CLVS1: variants seen among roughly 807,000 people sequenced by gnomAD.
CLVS1 encodes the protein clavesin-1.
A neutral mutation model predicts 33.1 loss-of-function variants in CLVS1; 10 were observed. The observed-to-expected ratio is 0.30, with a 90% CI of 0.19 to 0.51. The LOEUF (loss-of-function observed/expected upper bound fraction) is 0.51. Ranked by LOEUF, CLVS1 falls within the 20% of genes least tolerant of loss-of-function variation. The pLI is 0.97. For missense variants in CLVS1, 343 were observed against 433.4 expected (o/e 0.79, Z 1.85); for synonymous variants, 163 against 166.1 (o/e 0.98, Z 0.14).
chr8:61,347,841 G>T (rs1812284156), intron 2 of CLVS1, among the ~76,000 whole-genome samples: 1 of 150,802 alleles, frequency 6.6e-6, no homozygotes, highest in Non-Finnish European at 1.5e-5. Flanking sequence ...ATTTTTTAAG[G>T]ACCCTACCTA....
At chr8:61,050,718 A>G in the CLVS1 span, among the ~76,000 whole-genome samples, 1 of 152,232 alleles carries the variant, frequency 6.6e-6, no homozygotes, top group Admixed American at 6.5e-5. Context: ...GGGAGAGGGC[A>G]GCAGCCACTC....
At chr8:61,174,034 C>T (rs1413650742) in intron 2 of CLVS1, among the ~76,000 whole-genome samples, 2 of 152,172 alleles carry the variant, frequency 1.3e-5, no homozygotes, top group African/African-American at 4.8e-5. Flanking sequence ...ATGAATACTG[C>T]TCTAGTCCTG....
At chr8:61,223,000 AC>A (rs1037807989) in intron 2 of CLVS1, among the ~76,000 whole-genome samples, 6 of 140,982 alleles carry the variant, frequency 4.3e-5, no homozygotes, top group African/African-American at 1.6e-4. Flanking sequence ...AAAAAAAAAG[AC>A]CTGCTTTTTT....
intron 2 of CLVS1, among the ~76,000 whole-genome samples, chr8:61,206,729 C>T (rs1386653681): frequency 2.0e-5 from 3 of 151,912 alleles, no homozygotes; most frequent in African/African-American, 7.3e-5. Context: ...GCTGGGACTA[C>T]AGGCGCCTGC....
At position 61,298,026 on chromosome 8, in the gene CLVS1, C is replaced by T. The variant is rs115128480; in HGVS notation, c.-151-1651C>T. ...GTTCTAGTATCGTTATTATTAACAC[C>T]TTGTAGTGCATAAGTTTGGATAATA... On this transcript the variant is annotated intron_variant, in intron 1 of 5. Transcript: ENST00000325897. 4.5e-3 allele frequency among the ~76,000 whole-genome samples: 682 copies of T among 152,228 alleles called. 10 individuals are homozygous for T. The highest frequency in any genetic ancestry group is 0.016 in the African/African-American group (654 of 41,524).
Position 61,376,192 on chromosome 8 carries a change from G to T in CLVS1, c.456-413G>T, listed in dbSNP as rs145830064. On this transcript the variant is annotated intron_variant, in intron 2 of 5. Coordinates refer to ENST00000325897, the MANE Select transcript of CLVS1 (RefSeq NM_173519.3). ...CTCTGATTGAGGCCTCACCTCATTT[G>T]TTCAGCAATGATTCATTGTACTGGG... is the stretch of plus-strand genomic sequence containing the variant. Among the ~76,000 whole-genome samples the T allele has an allele frequency of 5.8e-3, 880 of 152,260 alleles. 9 individuals are homozygous for T. The highest frequency in any genetic ancestry group is 0.021 in the African/African-American group (861 of 41,544).
intron 2 of CLVS1, among the ~76,000 whole-genome samples, chr8:61,317,313 C>G (rs1363513143): frequency 1.3e-5 from 2 of 152,114 alleles, no homozygotes; most frequent in Non-Finnish European, 2.9e-5. Flanking sequence ...GAGTCAAATG[C>G]TGGGGGAAGC....
At chr8:61,398,917 C>G (rs370657709) in intron 3 of CLVS1, among the ~76,000 whole-genome samples, 2 of 152,164 alleles carry the variant, frequency 1.3e-5, no homozygotes, top group African/African-American at 4.8e-5. Context: ...TTCCATGGTG[C>G]ATATGTACTA....
At chr8:61,284,953 T>G (rs1032986147), upstream of CLVS1, among the ~76,000 whole-genome samples, 5 of 152,084 alleles carry the variant, frequency 3.3e-5, no homozygotes, top group Non-Finnish European at 7.4e-5. Flanking sequence ...CAAATAAATA[T>G]AGCAGATCTA....
At chr8:61,195,688 A>G (rs1807589740) in intron 2 of CLVS1, among the ~76,000 whole-genome samples, 1 of 152,116 alleles carries the variant, frequency 6.6e-6, no homozygotes, top group African/African-American at 2.4e-5. Context: ...TATATGAGAA[A>G]TTATTTATTT....
At chr8:61,111,583 C>A (rs1183609517) in intron 1 of CLVS1, among the ~76,000 whole-genome samples, 1 of 152,152 alleles carries the variant, frequency 6.6e-6, no homozygotes, top group African/African-American at 2.4e-5. Flanking sequence ...ATTTATGGAT[C>A]ATTTCCATAT....
chr8:61,290,832 C>T (rs1459140722), intron 1 of CLVS1, among the ~76,000 whole-genome samples: 1 of 152,132 alleles, frequency 6.6e-6, no homozygotes, highest in East Asian at 1.9e-4. Context: ...CCAAGAGAGA[C>T]CTTCTTTTCA....
At chr8:61,446,634 C>A (rs914733923) in intron 3 of CLVS1, among the ~76,000 whole-genome samples, 2 of 152,094 alleles carry the variant, frequency 1.3e-5, no homozygotes, top group Non-Finnish European at 2.9e-5. Context: ...CATTGGTCTA[C>A]AAATGGTTTT....
At chr8:61,060,251 G>A (rs1246448015) in intron 1 of CLVS1, among the ~76,000 whole-genome samples, 1 of 152,120 alleles carries the variant, frequency 6.6e-6, no homozygotes, top group Non-Finnish European at 1.5e-5. Context: ...GTGGGCCTGA[G>A]GATGAATTCA....
chr8:61,477,113 A>T (rs1253920565), intron 5 of CLVS1, among the ~76,000 whole-genome samples: 1 of 152,154 alleles, frequency 6.6e-6, no homozygotes, highest in African/African-American at 2.4e-5. Flanking sequence ...TGATTTTTGT[A>T]TGTTGAACCA....
At chr8:61,015,560 T>C in the CLVS1 span, among the ~76,000 whole-genome samples, 304 of 152,322 alleles carry the variant, frequency 2.0e-3, no homozygotes, top group African/African-American at 6.8e-3. Flanking sequence ...TCATGTGTTC[T>C]TTCTTCTGTG....
intron 2 of CLVS1, among the ~76,000 whole-genome samples, chr8:61,303,636 C>A (rs1284563531): frequency 6.6e-6 from 1 of 152,154 alleles, no homozygotes; most frequent in Non-Finnish European, 1.5e-5. Context: ...CCATTGGCAG[C>A]CAAATATTCG....
chr8:61,067,608 G>A (rs185376753), intron 1 of CLVS1, among the ~76,000 whole-genome samples: 75 of 152,218 alleles, frequency 4.9e-4, no homozygotes, highest in African/African-American at 1.8e-3. Context: ...AGAGGCTCAT[G>A]CCTTTAATCC....
chr8:61,032,395 G>A, the CLVS1 span, among the ~76,000 whole-genome samples: 240 of 152,302 alleles, frequency 1.6e-3, 1 homozygote, highest in African/African-American at 5.4e-3. Context: ...CTGCCACTTC[G>A]CTATGGTTTT....
Sources: gnomAD v4.1 joint callset for allele counts (sites outside exome capture counted in the v4.1 genomes callset) on GRCh38, gnomAD v4.1.1 for gene constraint, MANE v1.5 for transcripts, NCBI Gene and HGNC (gene_info 2026-07-23, HGNC 2026-07-21) for gene names.